Variants in COL13A1 observed in about 807,000 individuals in gnomAD.
COL13A1 encodes the protein collagen type XIII alpha 1 chain.
A neutral mutation model predicts 130.9 loss-of-function variants in COL13A1; 89 were observed. That is an observed-to-expected ratio of 0.68 (90% CI 0.57 to 0.81). The LOEUF is 0.81. COL13A1 is among the 30% of genes least tolerant of loss of function. The probability of loss-of-function intolerance (pLI) is 0.00; values close to 1 mark genes in which losing one functional copy is unlikely to be tolerated. For missense variants in COL13A1, 879 were observed against 934.6 expected, an observed-to-expected ratio of 0.94 and a Z score of 0.78; for synonymous variants, 402 against 341.6, an observed-to-expected ratio of 1.18 and a Z score of -1.95.
At chr10:69,878,917 C>T (rs894432666) in intron 6 of COL13A1, among the ~76,000 whole-genome samples, 1 of 152,270 alleles carries the variant, frequency 6.6e-6, no homozygotes, top group Non-Finnish European at 1.5e-5. Context: ...CGGTGCCCGG[C>T]TCTGTACTTC....
In COL13A1 at chr10:69,957,693, C is replaced by T. The variant is rs147381472; in HGVS notation, c.2184+651C>T. ...GATCGCCCCATTCAACCATGGCTCC[C>T]CAGAGCACAGGGCTGCCCAGGCAGA... On this transcript the variant is annotated intron_variant, in intron 40 of 40. Coordinates refer to ENST00000645393, the MANE Select transcript of COL13A1 (RefSeq NM_001368882.1). 5.2e-3 allele frequency among the ~76,000 whole-genome samples: 789 copies of T among 152,294 alleles called. 5 individuals are homozygous for T. Among genetic ancestry groups the T allele is most frequent in the African/African-American group, 0.018 (751 of 41,556 alleles).
chr10:69,898,394 GC>G (rs1171415309), intron 13 of COL13A1, among the ~76,000 whole-genome samples: 3 of 152,236 alleles, frequency 2.0e-5, no homozygotes, highest in African/African-American at 7.2e-5. Context: ...TCCGGGGGCT[GC>G]TGGTCAACAT....
intron 2 of COL13A1, among the ~76,000 whole-genome samples, chr10:69,847,851 G>A (rs879272573): frequency 1.3e-5 from 2 of 152,208 alleles, no homozygotes; most frequent in Non-Finnish European, 2.9e-5. Context: ...CAACTTTGCC[G>A]TCAAGGTCCT....
chr10:69,808,852 C>T (rs1017854988), intron 1 of COL13A1, among the ~76,000 whole-genome samples: 12 of 152,186 alleles, frequency 7.9e-5, no homozygotes, highest in African/African-American at 2.4e-4. Flanking sequence ...GGCCCTGGAC[C>T]CAGCAATAGG....
intron 3 of COL13A1, among the ~76,000 whole-genome samples, chr10:69,869,374 G>A (rs1214932841): frequency 6.6e-6 from 1 of 152,224 alleles, no homozygotes; most frequent in Non-Finnish European, 1.5e-5. Flanking sequence ...AGGAGGAAAT[G>A]GGAAGCTGGC....
At chr10:69,906,781 A>AC (rs1189407863) in intron 17 of COL13A1, among the ~76,000 whole-genome samples, 1 of 151,692 alleles carries the variant, frequency 6.6e-6, no homozygotes, top group Non-Finnish European at 1.5e-5. Flanking sequence ...ACCAGGCTGG[A>AC]GTGCAATGGC....
At chr10:69,925,306 T>G (rs774268176) in intron 25 of COL13A1, among the ~76,000 whole-genome samples, 3 of 152,228 alleles carry the variant, frequency 2.0e-5, no homozygotes, top group African/African-American at 7.2e-5. Flanking sequence ...ATCGGCACTT[T>G]ATGTAAGCTG....
intron 28 of COL13A1, among the ~76,000 whole-genome samples, chr10:69,929,624 C>T (rs1041526438): frequency 6.6e-6 from 1 of 152,162 alleles, no homozygotes; most frequent in Non-Finnish European, 1.5e-5. Flanking sequence ...AAAGAAGGGG[C>T]TTGGTTTGTG....
At chr10:69,949,318 A>G (rs10999045) in intron 38 of COL13A1, among the ~76,000 whole-genome samples, 24,666 of 152,026 alleles carry the variant, frequency 0.16, 2,254 homozygotes, top group African/African-American at 0.25. Context: ...GAGTAGTTGG[A>G]ACTACAGGCA....
At chr10:69,884,919 T>C (rs891087636) in intron 7 of COL13A1, among the ~76,000 whole-genome samples, 10 of 152,280 alleles carry the variant, frequency 6.6e-5, no homozygotes, top group Middle Eastern at 3.4e-3. Context: ...CATTTCACAA[T>C]AGGAAGAGAA....
At chr10:69,892,654 C>A (rs7071338) in intron 10 of COL13A1, among the ~76,000 whole-genome samples, 1 of 151,922 alleles carries the variant, frequency 6.6e-6, no homozygotes, top group Non-Finnish European at 1.5e-5. Flanking sequence ...CACAGGCCTG[C>A]TGGCAAGTGC....
intron 2 of COL13A1, among the ~76,000 whole-genome samples, chr10:69,843,419 G>T (rs535872196): frequency 2.2e-4 from 33 of 152,172 alleles, no homozygotes; most frequent in African/African-American, 7.7e-4. Flanking sequence ...CATCTACACT[G>T]CGGTGTCCAT....
chr10:69,873,290 G>A (rs917114703), intron 4 of COL13A1, among the ~76,000 whole-genome samples: 5 of 152,152 alleles, frequency 3.3e-5, no homozygotes, highest in Middle Eastern at 3.2e-3. Flanking sequence ...TAAAATTCAT[G>A]CCTAGCAGTG....
chr10:69,809,087 T>G (rs1842317038), intron 1 of COL13A1, among the ~76,000 whole-genome samples: 1 of 152,212 alleles, frequency 6.6e-6, no homozygotes, highest in Non-Finnish European at 1.5e-5. Context: ...CCAAGGTTTT[T>G]CTTTACAGAG....
intron 29 of COL13A1, 67 bp from the exon 30 acceptor site, chr10:69,930,333 C>T: frequency 1.4e-6 from 2 of 1,441,384 alleles, no homozygotes; most frequent in Non-Finnish European, 1.9e-6. Flanking sequence ...GACTTTTCTA[C>T]TCTCTCTCCC....
chr10:69,828,119 G>T (rs1310377426), intron 2 of COL13A1, among the ~76,000 whole-genome samples: 2 of 152,146 alleles, frequency 1.3e-5, no homozygotes, highest in African/African-American at 4.8e-5. Context: ...CTACTTCGGG[G>T]TCATTCTTGC....
chr10:69,852,443 C>T (rs779676725), intron 2 of COL13A1, among the ~76,000 whole-genome samples: 5 of 152,234 alleles, frequency 3.3e-5, no homozygotes, highest in Non-Finnish European at 7.3e-5. Context: ...CCCCATTTTG[C>T]AGAGAAGGAC....
chr10:69,832,990 G>A (rs1393946288), intron 2 of COL13A1, among the ~76,000 whole-genome samples: 1 of 152,214 alleles, frequency 6.6e-6, no homozygotes, highest in East Asian at 1.9e-4. Flanking sequence ...CAGTCAGTAG[G>A]AGAACGAGGG....
chr10:69,817,059 T>G (rs1324570918), intron 1 of COL13A1, among the ~76,000 whole-genome samples: 1 of 152,218 alleles, frequency 6.6e-6, no homozygotes, highest in Non-Finnish European at 1.5e-5. Flanking sequence ...TAAATATATA[T>G]TTTTTATGGG....
Sources: allele counts gnomAD v4.1 joint callset (sites outside exome capture counted in the v4.1 genomes callset), GRCh38; gene constraint gnomAD v4.1.1; transcripts MANE v1.5; gene names NCBI Gene and HGNC (gene_info 2026-07-23, HGNC 2026-07-21).